Variants in CAPRIN1 observed in about 807,000 individuals in gnomAD.
CAPRIN1 encodes caprin-1.
A neutral mutation model predicts 100.9 loss-of-function variants in CAPRIN1; 29 were observed. That is an observed-to-expected ratio of 0.29 (90% confidence interval 0.21 to 0.39). The LOEUF is 0.39. Ranked by LOEUF, CAPRIN1 falls within the 10% of genes least tolerant of loss-of-function variation. The pLI is 1.00. For synonymous variants in CAPRIN1, 338 were observed against 307.5 expected (o/e 1.10, Z -1.04); for missense variants, 795 against 876.7 (o/e 0.91, Z 1.18).
At chr11:34,081,117 A>G (rs1851019852) in intron 7 of CAPRIN1, among the ~76,000 whole-genome samples, 2 of 152,140 alleles carry the variant, frequency 1.3e-5, no homozygotes, top group South Asian at 4.1e-4. Flanking sequence ...AATATAAAAC[A>G]CTGTTAATTA....
At chr11:34,080,310 T>G (rs942549635) in intron 7 of CAPRIN1, among the ~76,000 whole-genome samples, 2 of 152,222 alleles carry the variant, frequency 1.3e-5, no homozygotes, top group African/African-American at 4.8e-5. Flanking sequence ...TTACTAGTCT[T>G]GATCACTATT....
intron 2 of CAPRIN1, among the ~76,000 whole-genome samples, chr11:34,068,141 G>T (rs1054708621): frequency 1.3e-5 from 2 of 152,128 alleles, no homozygotes; most frequent in African/African-American, 4.8e-5. Context: ...AAAATGAGTG[G>T]AACCACAGGG....
chr11:34,097,140 G>A (rs1233873171), intron 16 of CAPRIN1, 56 bp from the exon 17 acceptor site: 1 of 1,277,302 alleles, frequency 7.8e-7, no homozygotes, highest in South Asian at 1.2e-5. Flanking sequence ...TAATAAAAAA[G>A]TAAAAATTCC....
intron 12 of CAPRIN1, 27 bp from the exon 13 acceptor site, chr11:34,090,152 A>G: frequency 6.9e-7 from 1 of 1,447,696 alleles, no homozygotes; most frequent in Non-Finnish European, 9.7e-7. Context: ...AGCAGGAAGA[A>G]GCTTTTATTT....
chr11:34,089,340 C>T (rs777451664), intron 11 of CAPRIN1, 55 bp from the exon 12 acceptor site: 33 of 786,246 alleles, frequency 4.2e-5, no homozygotes, highest in African/African-American at 1.8e-4. Flanking sequence ...TATTTAGACG[C>T]GTCTCTCTAA....
intron 2 of CAPRIN1, chr11:34,052,993 C>T: frequency 9.5e-7 from 1 of 1,056,594 alleles, no homozygotes; most frequent in Admixed American, 5.6e-5. Flanking sequence ...CTCTGAGGCC[C>T]GATTTCTCTG....
chr11:34,061,612 G>T (rs1850580379), intron 2 of CAPRIN1, among the ~76,000 whole-genome samples: 1 of 151,848 alleles, frequency 6.6e-6, no homozygotes, highest in Non-Finnish European at 1.5e-5. Flanking sequence ...CTGGTAGAGT[G>T]CTCGTTTCTC....
chr11:34,069,509 A>T (rs981214274), intron 2 of CAPRIN1, among the ~76,000 whole-genome samples: 8 of 152,138 alleles, frequency 5.3e-5, no homozygotes, highest in African/African-American at 1.9e-4. Context: ...TATTTTAAAA[A>T]TTTTTAGCTT....
At position 34,090,202 on chromosome 11, in the gene CAPRIN1, T is replaced by C. The variant is rs1299187169; in HGVS notation, c.1317T>C (p.Ser439=). 1 of 1,612,746 alleles carries C rather than the reference T, an allele frequency of 6.2e-7. No individual in the cohort carries two copies. The highest frequency in any genetic ancestry group is 2.2e-5 in the East Asian group (1 of 44,862). ...ATQVPLVSST[S]EGYTASQPLY... ...AGGTTCCTTTGGTATCATCCACAAGTGAGGGGTACACAGCATCTCAACCCT... is the reference window on the plus strand; with the variant it reads ...AGGTTCCTTTGGTATCATCCACAAGCGAGGGGTACACAGCATCTCAACCCT... Residue 439 remains serine, a synonymous_variant, in exon 13 of 19, where the codon AGT becomes AGC. Transcript: ENST00000341394.
In CAPRIN1 at chr11:34,102,298, AGAG is replaced by A. The variant is rs1340200647; in HGVS notation, c.*2934_*2936del. Among the ~76,000 whole-genome samples the A allele has an allele frequency of 1.3e-5, 2 of 152,204 alleles. No individual in the cohort carries two copies. The highest frequency in any genetic ancestry group is 4.8e-5 in the African/African-American group (2 of 41,456). The stretch of plus-strand genomic sequence containing the variant: ...TCATTATATTTTCCGTCATATAACT[AGAG>A]GAAGTGGAATGCAGATAAGTGCCGA... On this transcript the variant is annotated 3_prime_UTR_variant, in exon 19 of 19. Transcript: ENST00000341394.
rs534713643 is a variant in CAPRIN1 at position 34,064,868 on chromosome 11, A to G, written c.217-6858A>G. ...CGTAAACTGGTCTAGAAATCCAGCCACAGTTCAAGTTTTCTGGGTTGTTTA... is the reference window on the plus strand; with the variant it reads ...CGTAAACTGGTCTAGAAATCCAGCCGCAGTTCAAGTTTTCTGGGTTGTTTA... On this transcript the variant is annotated intron_variant, in intron 2 of 18. Coordinates refer to ENST00000341394, the MANE Select transcript of CAPRIN1 (RefSeq NM_005898.5). Among the ~76,000 whole-genome samples the G allele has an allele frequency of 8.0e-4, 121 of 151,912 alleles. 1 individual carries two copies. Among genetic ancestry groups the G allele is most frequent in the Non-Finnish European group, 1.5e-3 (104 of 68,000 alleles).
At chr11:34,082,534 A>G (rs1851053555) in intron 7 of CAPRIN1, among the ~76,000 whole-genome samples, 1 of 152,232 alleles carries the variant, frequency 6.6e-6, no homozygotes, top group Non-Finnish European at 1.5e-5. Context: ...AAAACTGAAC[A>G]GAAGGTGTAG....
At chr11:34,086,018 CT>C in intron 9 of CAPRIN1, 45 bp from the exon 10 acceptor site, 1 of 1,574,022 alleles carries the variant, frequency 6.4e-7, no homozygotes, top group African/African-American at 1.4e-5. Context: ...GTGAGTGGAG[CT>C]TTTTTGCTCT....
At chr11:34,073,145 T>C (rs1012499671) in intron 4 of CAPRIN1, among the ~76,000 whole-genome samples, 1 of 152,178 alleles carries the variant, frequency 6.6e-6, no homozygotes, top group Non-Finnish European at 1.5e-5. Flanking sequence ...CAAAAAAGTT[T>C]ATTATATGAG....
intron 2 of CAPRIN1, chr11:34,056,490 A>G (rs1478630033): frequency 6.6e-6 from 1 of 152,232 alleles, no homozygotes; most frequent in Non-Finnish European, 1.5e-5. Context: ...ATTCAGGCTT[A>G]TAAAGAGTAC....
intron 15 of CAPRIN1, among the ~76,000 whole-genome samples, chr11:34,094,366 TGAA>T (rs1851324784): frequency 6.6e-6 from 1 of 152,180 alleles, no homozygotes. Flanking sequence ...TGATATTTGT[TGAA>T]GAAATCATTT....
At chr11:34,095,686 CTTTTAGCACCCTA>C (rs937679117) in intron 15 of CAPRIN1, 11 of 152,160 alleles carry the variant, frequency 7.2e-5, no homozygotes, top group African/African-American at 2.7e-4. Context: ...CCCAAAGGTA[CTTTTAGCACCCTA>C]TTTTTTTCTC....
chr11:34,060,539 T>C (rs138770620), intron 2 of CAPRIN1, among the ~76,000 whole-genome samples: 35 of 152,292 alleles, frequency 2.3e-4, no homozygotes, highest in African/African-American at 8.4e-4. Flanking sequence ...TAGAAATAAC[T>C]GAAATATATT....
At chr11:34,084,863 A>G (rs967915665) in intron 9 of CAPRIN1, among the ~76,000 whole-genome samples, 19 of 152,124 alleles carry the variant, frequency 1.2e-4, no homozygotes, top group African/African-American at 4.6e-4. Context: ...AGCAGTATAC[A>G]GTGCTTTGTA....
Sources: allele counts gnomAD v4.1 joint callset (sites outside exome capture counted in the v4.1 genomes callset), GRCh38; gene constraint gnomAD v4.1.1; transcripts MANE v1.5; gene names NCBI Gene and HGNC (gene_info 2026-07-23, HGNC 2026-07-21).